Variants in NRXN3 observed in about 807,000 individuals in gnomAD.
The protein encoded by NRXN3 is neurexin 3.
NRXN3 carries 32 observed loss-of-function variants against 137.6 expected under a neutral mutation model. The observed-to-expected ratio is 0.23, with a 90% CI of 0.18 to 0.31. The LOEUF (loss-of-function observed/expected upper bound fraction) is 0.31, where lower values mean the gene tolerates loss of function less well. Among genes scored for constraint, NRXN3 ranks in the 10% least tolerant of loss-of-function variants. NRXN3 has a pLI of 1.00. For synonymous variants in NRXN3, 798 were observed against 784.5 expected (o/e 1.02, Z -0.29); for missense variants, 1,574 against 2,062.5 (o/e 0.76, Z 4.59).
intron 6 of NRXN3, among the ~76,000 whole-genome samples, chr14:78,685,692 G>A (rs1008654590): frequency 1.1e-4 from 16 of 147,268 alleles, no homozygotes; most frequent in African/African-American, 3.8e-4. Flanking sequence ...GAGTGCAATG[G>A]CATGATCTCA....
chr14:79,131,419 C>T (rs561530515), intron 15 of NRXN3, among the ~76,000 whole-genome samples: 1 of 152,152 alleles, frequency 6.6e-6, no homozygotes, highest in African/African-American at 2.4e-5. Flanking sequence ...AGCTGCAGGT[C>T]TGTTGGAGTA....
intron 15 of NRXN3, among the ~76,000 whole-genome samples, chr14:79,234,583 C>T (rs2073043889): frequency 6.6e-6 from 1 of 151,182 alleles, no homozygotes; most frequent in African/African-American, 2.4e-5. Flanking sequence ...CAGGGTTTCA[C>T]CATGTTGGCC....
chr14:78,694,648 T>A (rs1436845832), intron 6 of NRXN3, among the ~76,000 whole-genome samples: 2 of 151,970 alleles, frequency 1.3e-5, no homozygotes, highest in Non-Finnish European at 2.9e-5. Context: ...CATAAGCATG[T>A]ACTCGATGAA....
Position 78,389,824 on chromosome 14 carries a change from G to A in NRXN3, c.757+91964G>A, listed in dbSNP as rs142406586. 2.6e-3 allele frequency among the ~76,000 whole-genome samples: 402 copies of A among 152,174 alleles called. 3 individuals carry two copies. Among genetic ancestry groups the A allele is most frequent in the African/African-American group, 9.2e-3 (384 of 41,542 alleles). ...TTTTTAATATTAAAAACTTTTCCAA[G>A]TCAGAGATTAGATAAATATTCATTT... On this transcript the variant is annotated intron_variant, in intron 4 of 20. Coordinates refer to ENST00000335750, the MANE Select transcript of NRXN3 (RefSeq NM_001330195.2).
intron 10 of NRXN3, among the ~76,000 whole-genome samples, chr14:78,911,922 G>GT (rs5809909): frequency 0.073 from 10,828 of 149,122 alleles, 980 homozygotes; most frequent in East Asian, 0.41. Context: ...TTATGTACAG[G>GT]TTTTTTTTTT....
chr14:78,393,777 T>C (rs898126016), intron 4 of NRXN3, among the ~76,000 whole-genome samples: 1 of 152,010 alleles, frequency 6.6e-6, no homozygotes, highest in Admixed American at 6.6e-5. Context: ...AAGACCTTCT[T>C]TGATTTTTAA....
At chr14:79,774,959 T>G (rs894921684) in intron 19 of NRXN3, among the ~76,000 whole-genome samples, 1 of 151,972 alleles carries the variant, frequency 6.6e-6, no homozygotes, top group East Asian at 1.9e-4. Flanking sequence ...TGTGTGTAGG[T>G]GTGTGTGTGT....
intron 15 of NRXN3, among the ~76,000 whole-genome samples, chr14:79,351,550 T>C (rs1266238137): frequency 6.6e-6 from 1 of 152,210 alleles, no homozygotes; most frequent in East Asian, 1.9e-4. Flanking sequence ...AGTCACTTAA[T>C]AACTATCAGC....
intron 4 of NRXN3, among the ~76,000 whole-genome samples, chr14:78,470,890 G>C (rs966525570): frequency 6.6e-6 from 1 of 152,150 alleles, no homozygotes; most frequent in Non-Finnish European, 1.5e-5. Context: ...TGGAAAAATT[G>C]AGACTTCTGA....
At chr14:78,994,653 A>C (rs888884329) in intron 15 of NRXN3, among the ~76,000 whole-genome samples, 2 of 152,250 alleles carry the variant, frequency 1.3e-5, no homozygotes, top group Non-Finnish European at 2.9e-5. Context: ...ATAGTCATTA[A>C]TTTAATTGGC....
At position 78,784,304 on chromosome 14, in the gene NRXN3, C is replaced by T. The variant is rs149995545; in HGVS notation, c.2045-19316C>T. ...CCAAGGAAACAGGGTGGCTGAATGC[C>T]CAAATGCAAGAACAAATTAGTATGT... On this transcript the variant is annotated intron_variant, in intron 8 of 20. Transcript: ENST00000335750. Among the ~76,000 whole-genome samples the T allele has an allele frequency of 7.9e-3, 1,208 of 152,074 alleles. 64 individuals are homozygous for T. Among genetic ancestry groups the T allele is most frequent in the Admixed American group, 0.073 (1,117 of 15,270 alleles).
At position 79,565,341 on chromosome 14, in the gene NRXN3, A is replaced by G. The variant is rs1190011514; in HGVS notation, c.3444+97939A>G. On this transcript the variant is annotated intron_variant, in intron 16 of 20. Transcript: ENST00000335750. ...CATGTGTGTGTATATATATATACAT[A>G]TGTGTGCGTATATGTATACACACAC... Among the ~76,000 whole-genome samples, 11 of 138,926 alleles carry G rather than the reference A, an allele frequency of 7.9e-5. No individual in the cohort carries two copies. The East Asian group carries it at 1.3e-3, about 16-fold the overall frequency. The allele number at this position is 138,926 out of a possible 152,430, so 91.1% of individuals were successfully genotyped here.
chr14:78,390,666 G>A (rs1006902766), intron 4 of NRXN3, among the ~76,000 whole-genome samples: 1 of 152,096 alleles, frequency 6.6e-6, no homozygotes, highest in Non-Finnish European at 1.5e-5. Flanking sequence ...ACGATCCTAA[G>A]CATTTTTGTA....
intron 15 of NRXN3, among the ~76,000 whole-genome samples, chr14:79,224,963 G>A (rs1252847024): frequency 6.6e-6 from 1 of 152,126 alleles, no homozygotes; most frequent in African/African-American, 2.4e-5. Flanking sequence ...CACCCAGTTT[G>A]TGGTTCTTTG....
intron 10 of NRXN3, among the ~76,000 whole-genome samples, chr14:78,948,689 C>T (rs1256045888): frequency 2.8e-5 from 4 of 141,770 alleles, no homozygotes; most frequent in Non-Finnish European, 4.5e-5. Context: ...GGCCTGTACC[C>T]TGGTCTTACA....
At chr14:78,715,285 C>T in intron 8 of NRXN3, 146 bp downstream of exon 8, 1 of 1,009,828 alleles carries the variant, frequency 9.9e-7, no homozygotes, top group Non-Finnish European at 1.4e-6. Flanking sequence ...AGATTGCACC[C>T]TTTCTAGTTC....
At chr14:79,728,365 T>C (rs762352797) in intron 19 of NRXN3, among the ~76,000 whole-genome samples, 1 of 152,136 alleles carries the variant, frequency 6.6e-6, no homozygotes, top group Non-Finnish European at 1.5e-5. Context: ...GAAGTCCCAG[T>C]TGACAGGGAC....
chr14:79,007,531 C>T (rs539066088), intron 15 of NRXN3, among the ~76,000 whole-genome samples: 1 of 151,476 alleles, frequency 6.6e-6, no homozygotes, highest in South Asian at 2.1e-4. Flanking sequence ...AAAGTCTGGG[C>T]GTGGTGGCTC....
At chr14:79,125,823 G>A (rs190487791) in intron 15 of NRXN3, among the ~76,000 whole-genome samples, 104 of 152,024 alleles carry the variant, frequency 6.8e-4, no homozygotes, top group Admixed American at 1.6e-3. Flanking sequence ...GCTGATGATT[G>A]TCAACTGCAA....
Sources: allele counts gnomAD v4.1 joint callset (sites outside exome capture counted in the v4.1 genomes callset), GRCh38; gene constraint gnomAD v4.1.1; transcripts MANE v1.5; gene names NCBI Gene and HGNC (gene_info 2026-07-23, HGNC 2026-07-21).